The following SORD variants were observed in gnomAD, a reference collection of about 807,000 sequenced individuals.
SORD encodes sorbitol dehydrogenase, also known as (R,R)-butanediol dehydrogenase.
In SORD, 18 loss-of-function variants were observed where a neutral mutation model predicts 35.6. The ratio of observed to expected loss-of-function variants is 0.51; its 90% confidence interval spans 0.35 to 0.75. SORD has a LOEUF of 0.75. SORD is among the 30% of genes least tolerant of loss of function. SORD has a pLI of 0.01. For synonymous variants in SORD, 106 were observed against 152.9 expected (o/e 0.69, Z 2.26); for missense variants, 250 against 390.2 (o/e 0.64, Z 3.03).
intron 1 of SORD, among the ~76,000 whole-genome samples, chr15:45,025,724 G>T (rs1424371106): frequency 1.3e-5 from 2 of 152,014 alleles, no homozygotes; most frequent in East Asian, 1.9e-4. Flanking sequence ...GATACTATCA[G>T]GGGTGGAAAT....
In SORD at chr15:45,023,222, G is replaced by A. The variant is rs1018027712; in HGVS notation, c.-62G>A. The stretch of plus-strand genomic sequence containing the variant: ...TGCCCTGGACCCTCGGCTGGGTAGC[G>A]CCACCAGAGCGACCAAACGTCCCGC... On this transcript the variant is annotated 5_prime_UTR_variant, in exon 1 of 9. Transcript: ENST00000267814. 34 of 1,400,890 alleles carry A rather than the reference G, an allele frequency of 2.4e-5. No homozygotes were observed. Among genetic ancestry groups the A allele is most frequent in the Non-Finnish European group, 3.0e-5 (32 of 1,050,382 alleles). 86.8% of individuals were successfully genotyped at this position (1,400,890 alleles called of 1,614,324 possible).
chr15:45,073,137 G>T (rs1296422838), intron 8 of SORD, among the ~76,000 whole-genome samples: 3 of 131,424 alleles, frequency 2.3e-5, no homozygotes, highest in African/African-American at 1.2e-4. Flanking sequence ...CATGGCAGAC[G>T]TGGCAGAGTG....
chr15:45,058,296 G>A (rs1691713816), intron 3 of SORD, among the ~76,000 whole-genome samples: 1 of 152,136 alleles, frequency 6.6e-6, no homozygotes, highest in Non-Finnish European at 1.5e-5. Flanking sequence ...CCTATGTGAT[G>A]GCTAGGTCTT....
chr15:45,058,984 T>C (rs910986978), intron 3 of SORD, among the ~76,000 whole-genome samples: 1 of 152,186 alleles, frequency 6.6e-6, no homozygotes, highest in Non-Finnish European at 1.5e-5. Context: ...GAGCCCACTG[T>C]GTACATGCCC....
chr15:45,046,833 C>T (rs1595500777), intron 3 of SORD, among the ~76,000 whole-genome samples: 1 of 152,264 alleles, frequency 6.6e-6, no homozygotes, highest in East Asian at 1.9e-4. Flanking sequence ...GCCTGGTCAA[C>T]ATGGTGAAAC....
At position 45,037,754 on chromosome 15, in the gene SORD, G is replaced by A. The variant is rs574549040; in HGVS notation, c.67-2654G>A. On this transcript the variant is annotated intron_variant, in intron 1 of 8. Coordinates refer to ENST00000267814, the MANE Select transcript of SORD (RefSeq NM_003104.6). ...CTCATAAGTGGGAGTTGAACAATGA[G>A]AATACATGGACACAGGGAGGGGACC... 3.2e-3 allele frequency among the ~76,000 whole-genome samples: 478 copies of A among 151,328 alleles called. 12 individuals carry two copies. Among genetic ancestry groups the A allele is most frequent in the Non-Finnish European group, 6.5e-4 (44 of 67,842 alleles).
At chr15:45,050,533 T>G (rs1893109158) in intron 3 of SORD, 1 of 152,228 alleles carries the variant, frequency 6.6e-6, no homozygotes, top group African/African-American at 2.4e-5. Flanking sequence ...GTACAGGGAC[T>G]GTGTAGACAA....
chr15:45,035,184 C>G (rs1316799388), intron 1 of SORD, among the ~76,000 whole-genome samples: 1 of 152,194 alleles, frequency 6.6e-6, no homozygotes, highest in African/African-American at 2.4e-5. Context: ...GCACGGCGCC[C>G]AATCCCATCG....
At chr15:45,046,299 G>A (rs1239084094) in intron 3 of SORD, among the ~76,000 whole-genome samples, 1 of 152,164 alleles carries the variant, frequency 6.6e-6, no homozygotes. Flanking sequence ...CTGGAGTGTA[G>A]TGGTGCCATC....
intron 3 of SORD, among the ~76,000 whole-genome samples, chr15:45,049,306 G>T (rs557981911): frequency 2.6e-5 from 4 of 152,114 alleles, no homozygotes; most frequent in African/African-American, 7.2e-5. Flanking sequence ...TAATCTCTCT[G>T]GCTACTTTCT....
At position 45,061,070 on chromosome 15, in the gene SORD, A is replaced by T. The variant is rs776037915; in HGVS notation, c.269A>T (p.Asp90Val). 3.7e-6 allele frequency: 6 copies of T among 1,614,024 alleles called. No individual in the cohort carries two copies. In the Admixed American group the frequency reaches 1.0e-4, roughly 27 times the overall value. ...GSSVKHLKPG[D>V]RVAIEPGAPR... ...CCATCTTTGTTTTCCTCTCCAGGTG[A>T]TCGTGTTGCCATCGAGCCTGGTGCT... The change falls in exon 4 of 9, where the codon GAT becomes GTT. Residue 90 changes from aspartate to valine, a missense_variant. By Grantham distance (152) the Asp-to-Val change is radical. Coordinates refer to ENST00000267814, the MANE Select transcript of SORD (RefSeq NM_003104.6).
chr15:45,045,275 T>A (rs1595500267), intron 3 of SORD, among the ~76,000 whole-genome samples: 1 of 152,270 alleles, frequency 6.6e-6, no homozygotes, highest in Admixed American at 6.5e-5. Flanking sequence ...CAGTTGCCCA[T>A]GCCTGTAATC....
intron 3 of SORD, among the ~76,000 whole-genome samples, chr15:45,049,378 G>A (rs904297521): frequency 4.6e-5 from 7 of 152,028 alleles, no homozygotes; most frequent in African/African-American, 1.7e-4. Flanking sequence ...TTATCTAAGG[G>A]TCCTCAGAAG....
intron 1 of SORD, among the ~76,000 whole-genome samples, chr15:45,035,971 C>T (rs1445078618): frequency 6.7e-6 from 1 of 148,376 alleles, no homozygotes; most frequent in African/African-American, 2.5e-5. Context: ...ACACTCACGG[C>T]GAAGGTCTAC....
chr15:45,043,172 TG>T, intron 2 of SORD, 84 bp from the exon 3 acceptor site: 1 of 971,372 alleles, frequency 1.0e-6, no homozygotes, highest in Non-Finnish European at 1.6e-6. Flanking sequence ...CCCTCTACCC[TG>T]GGCAAAGGGA....
chr15:45,052,508 T>C (rs1201661088), intron 3 of SORD, among the ~76,000 whole-genome samples: 1 of 152,156 alleles, frequency 6.6e-6, no homozygotes, highest in African/African-American at 2.4e-5. Context: ...AAAAATCCCA[T>C]TTCACTAGGT....
intron 1 of SORD, among the ~76,000 whole-genome samples, chr15:45,026,182 G>A (rs1429460867): frequency 6.6e-6 from 1 of 152,174 alleles, no homozygotes; most frequent in East Asian, 1.9e-4. Context: ...CCCGAGTGTG[G>A]TATCACTGCT....
At chr15:45,032,288 T>C (rs1412973767) in intron 1 of SORD, among the ~76,000 whole-genome samples, 1 of 152,060 alleles carries the variant, frequency 6.6e-6, no homozygotes, top group East Asian at 1.9e-4. Flanking sequence ...TTTAAGATGG[T>C]AAATTTTATG....
At chr15:45,057,782 CA>C (rs149596540) in intron 3 of SORD, among the ~76,000 whole-genome samples, 1 of 150,548 alleles carries the variant, frequency 6.6e-6, no homozygotes, top group African/African-American at 2.4e-5. Context: ...GACTCTGTCT[CA>C]AAAAAAACAA....
Sources: gnomAD v4.1 joint callset for allele counts (sites outside exome capture counted in the v4.1 genomes callset) on GRCh38, gnomAD v4.1.1 for gene constraint, MANE v1.5 for transcripts, NCBI Gene and HGNC (gene_info 2026-07-23, HGNC 2026-07-21) for gene names.